FGF9: variants seen among roughly 807,000 people sequenced by gnomAD.
FGF9 encodes fibroblast growth factor 9, also known as fibroblast growth factor 9 (glia-activating factor).
Under a neutral mutation model 19.9 loss-of-function variants are expected in FGF9, and 3 were observed. That is an observed-to-expected ratio of 0.15 (90% CI 0.07 to 0.39). FGF9 has a LOEUF of 0.39. Ranked by LOEUF, FGF9 falls within the 10% of genes least tolerant of loss-of-function variation. FGF9 has a pLI of 1.00. For synonymous variants in FGF9, 107 were observed against 106.9 expected, an observed-to-expected ratio of 1.00 and a Z score of -0.01; for missense variants, 175 against 256.8, an observed-to-expected ratio of 0.68 and a Z score of 2.18.
intron 2 of FGF9, among the ~76,000 whole-genome samples, chr13:21,698,102 C>T (rs1202537597): frequency 1.3e-5 from 2 of 152,208 alleles, no homozygotes; most frequent in African/African-American, 2.4e-5. Context: ...GCCACTGCGC[C>T]CGGCCCCCAC....
intron 2 of FGF9, among the ~76,000 whole-genome samples, chr13:21,689,644 A>G (rs1872242257): frequency 1.3e-5 from 2 of 152,180 alleles, no homozygotes; most frequent in Non-Finnish European, 2.9e-5. Context: ...GTGTCTTATG[A>G]TTGAAAGAAT....
At chr13:21,675,457 G>A (rs994899003) in intron 1 of FGF9, among the ~76,000 whole-genome samples, 4 of 151,946 alleles carry the variant, frequency 2.6e-5, no homozygotes, top group African/African-American at 4.8e-5. Flanking sequence ...CTAGGACACC[G>A]CGGCTCGCGC....
At position 21,702,327 on chromosome 13, in the gene FGF9, C is replaced by A. The variant is rs1872569739; in HGVS notation, c.*892C>A. ...CTCATGACACTGAGTATTCACTCTT[C>A]AGACTGCTTGTTTCATAGCTTATCC... On this transcript the variant is annotated 3_prime_UTR_variant, in exon 3 of 3. Transcript: ENST00000382353. The A allele has an allele frequency of 6.6e-6, 1 of 152,216 alleles. No homozygotes were observed. The highest frequency in any genetic ancestry group is 1.5e-5 in the Non-Finnish European group (1 of 68,034). 9.4% of individuals were successfully genotyped at this position (152,216 alleles called of 1,614,324 possible).
intron 1 of FGF9, among the ~76,000 whole-genome samples, chr13:21,678,372 G>A (rs1425255109): frequency 6.6e-6 from 1 of 152,198 alleles, no homozygotes; most frequent in Non-Finnish European, 1.5e-5. Context: ...TTGGAGTCCA[G>A]TTGCTTGGGG....
chr13:21,684,825 T>A (rs1872123465), intron 2 of FGF9, among the ~76,000 whole-genome samples: 1 of 152,244 alleles, frequency 6.6e-6, no homozygotes, highest in Admixed American at 6.5e-5. Context: ...ACCCATGATG[T>A]TCTCTGTGCA....
chr13:21,693,992 C>T (rs1220607093), intron 2 of FGF9, among the ~76,000 whole-genome samples: 1 of 152,148 alleles, frequency 6.6e-6, no homozygotes, highest in Non-Finnish European at 1.5e-5. Context: ...ATTTCCTGTT[C>T]AATATGTCCT....
chr13:21,672,411 G>A lies in FGF9; in HGVS notation c.277+222G>A, dbSNP rs1337788900. Among the ~76,000 whole-genome samples, 1 of 152,076 alleles carries A rather than the reference G, an allele frequency of 6.6e-6. No homozygotes were observed. Among genetic ancestry groups the A allele is most frequent in the African/African-American group, 2.4e-5 (1 of 41,386 alleles). ...GCACTGATGCAAGTATACACTGAAA[G>A]GCCCCCTACTTTTAATTTAAAGGGG... On this transcript the variant is annotated intron_variant, in intron 1 of 2. Coordinates refer to ENST00000382353, the MANE Select transcript of FGF9 (RefSeq NM_002010.3). This position sits in a 1 kb window ranked among gnomAD's most constrained non-coding sequence, Gnocchi z 4.2.
At chr13:21,689,681 TCATTAACA>T (rs1872243125) in intron 2 of FGF9, among the ~76,000 whole-genome samples, 1 of 152,198 alleles carries the variant, frequency 6.6e-6, no homozygotes, top group South Asian at 2.1e-4. Flanking sequence ...TCCTCTGAAT[TCATTAACA>T]CTTTCAAATG....
chr13:21,695,175 C>T (rs967191884), intron 2 of FGF9, among the ~76,000 whole-genome samples: 2 of 151,886 alleles, frequency 1.3e-5, no homozygotes, highest in Non-Finnish European at 2.9e-5. Context: ...TTGACGTAAG[C>T]AGCTTCTGGG....
intron 1 of FGF9, among the ~76,000 whole-genome samples, chr13:21,679,164 CA>C (rs1871982508): frequency 6.6e-6 from 1 of 152,172 alleles, no homozygotes; most frequent in South Asian, 2.1e-4. Context: ...ATTCAAAACA[CA>C]ATTTGTAATT....
intron 1 of FGF9, among the ~76,000 whole-genome samples, chr13:21,676,344 A>G (rs1871914822): frequency 1.3e-5 from 2 of 152,144 alleles, no homozygotes; most frequent in Non-Finnish European, 2.9e-5. Flanking sequence ...GAAATATGAT[A>G]GTATGATTTT....
chr13:21,693,573 T>G (rs991522415), intron 2 of FGF9, among the ~76,000 whole-genome samples: 4 of 152,184 alleles, frequency 2.6e-5, no homozygotes, highest in African/African-American at 9.7e-5. Context: ...TTTTGTTTTC[T>G]TATGGGATTT....
At chr13:21,696,588 T>C (rs1424716970) in intron 2 of FGF9, among the ~76,000 whole-genome samples, 1 of 152,038 alleles carries the variant, frequency 6.6e-6, no homozygotes, top group Admixed American at 6.5e-5. Context: ...AATTCTAGAG[T>C]GTATAGTTTA....
At chr13:21,690,771 G>A (rs1003814470) in intron 2 of FGF9, among the ~76,000 whole-genome samples, 1 of 152,234 alleles carries the variant, frequency 6.6e-6, no homozygotes, top group Non-Finnish European at 1.5e-5. Flanking sequence ...CTGGAAGCAA[G>A]GGTCCTCTTT....
In FGF9 at chr13:21,702,856, A is replaced by G. The variant is rs963155825; in HGVS notation, c.*1421A>G. The G allele has an allele frequency of 4.6e-5, 7 of 152,258 alleles. No homozygotes were observed. Among genetic ancestry groups the G allele is most frequent in the Non-Finnish European group, 7.3e-5 (5 of 68,042 alleles). The allele number at this position is 152,258 out of a possible 1,614,324, so 9.4% of individuals were successfully genotyped here. A position where few individuals can be genotyped will look rare whatever the true frequency, so the allele number is the denominator to read the frequency against. On this transcript the variant is annotated 3_prime_UTR_variant, in exon 3 of 3. Coordinates refer to ENST00000382353, the MANE Select transcript of FGF9 (RefSeq NM_002010.3). The stretch of plus-strand genomic sequence containing the variant: ...TATCAATAATGACAATGAGGGGGAA[A>G]GTATTATACTTGTTGACTGTGTTTT...
intron 2 of FGF9, among the ~76,000 whole-genome samples, chr13:21,699,185 G>C (rs1318773715): frequency 6.6e-6 from 1 of 152,158 alleles, no homozygotes; most frequent in Non-Finnish European, 1.5e-5. Flanking sequence ...CCTCTCTCCT[G>C]TGCACCCCTC....
intron 1 of FGF9, among the ~76,000 whole-genome samples, chr13:21,680,396 G>A (rs564948986): frequency 1.1e-4 from 16 of 152,016 alleles, no homozygotes; most frequent in African/African-American, 3.6e-4. Context: ...AACCAATCAA[G>A]GCTTTAGTTA....
Position 21,671,790 on chromosome 13 carries a change from T to TTC in FGF9, c.-122_-121insCT. 8.5e-7 allele frequency: 1 copy of TTC among 1,176,360 alleles called. No homozygotes were observed. The allele number at this position is 1,176,360 out of a possible 1,614,324, so 72.9% of individuals were successfully genotyped here. A position where few individuals can be genotyped will look rare whatever the true frequency, so the allele number is the denominator to read the frequency against. On this transcript the variant is annotated 5_prime_UTR_variant, in exon 1 of 3. Coordinates refer to ENST00000382353, the MANE Select transcript of FGF9 (RefSeq NM_002010.3). ...TTTAATGGATTGAAGAAAAGAACCTTTTTTTTCTCTCTCTCTCTGCAACTG... is the reference window on the plus strand; with the variant it reads ...TTTAATGGATTGAAGAAAAGAACCTTTCTTTTTTCTCTCTCTCTCTGCAACTG...
chr13:21,684,510 T>C (rs1428079497), intron 2 of FGF9, among the ~76,000 whole-genome samples: 2 of 152,224 alleles, frequency 1.3e-5, no homozygotes, highest in Non-Finnish European at 2.9e-5. Context: ...GGTCTCCAGT[T>C]GAAGGAGGAA....
Sources: allele counts gnomAD v4.1 joint callset (sites outside exome capture counted in the v4.1 genomes callset), GRCh38; gene constraint gnomAD v4.1.1; non-coding constraint Gnocchi (gnomAD v3.1); transcripts MANE v1.5; gene names NCBI Gene and HGNC (gene_info 2026-07-23, HGNC 2026-07-21).